BMPR1A: variants seen among roughly 807,000 people sequenced by gnomAD.
BMPR1A encodes bone morphogenetic protein receptor type 1A.
In BMPR1A, 7 loss-of-function variants were observed where a neutral mutation model predicts 66.0. That is an observed-to-expected ratio of 0.11 (90% CI 0.06 to 0.20). The LOEUF is 0.20. Among genes scored for constraint, BMPR1A ranks in the 10% least tolerant of loss-of-function variants. The pLI is 1.00. For missense variants in BMPR1A, 408 were observed against 669.1 expected (o/e 0.61, Z 4.31); for synonymous variants, 200 against 229.7 (o/e 0.87, Z 1.17).
At chr10:86,902,466 A>G (rs1354701530) in intron 7 of BMPR1A, among the ~76,000 whole-genome samples, 8 of 152,118 alleles carry the variant, frequency 5.3e-5, no homozygotes, top group Non-Finnish European at 1.0e-4. Context: ...CACATAGTAA[A>G]GAACCCTATC....
chr10:86,778,801 T>A (rs1183309345), intron 1 of BMPR1A, among the ~76,000 whole-genome samples: 1 of 152,178 alleles, frequency 6.6e-6, no homozygotes, highest in Admixed American at 6.5e-5. Flanking sequence ...TTATAAGTTT[T>A]TTAGTTTCCA....
chr10:86,866,504 G>T (rs1189760347), intron 2 of BMPR1A, among the ~76,000 whole-genome samples: 4 of 144,036 alleles, frequency 2.8e-5, no homozygotes, highest in African/African-American at 5.2e-5. Context: ...TACCTCCTGG[G>T]TTCAAGTGAT....
chr10:86,909,069 A>G (rs1161406456), intron 7 of BMPR1A, among the ~76,000 whole-genome samples: 2 of 152,248 alleles, frequency 1.3e-5, no homozygotes, highest in African/African-American at 4.8e-5. Flanking sequence ...CATGTTATAC[A>G]GCGAGGGCCT....
chr10:86,758,753 T>G (rs1303404010), intron 1 of BMPR1A, among the ~76,000 whole-genome samples: 2 of 152,250 alleles, frequency 1.3e-5, no homozygotes, highest in Non-Finnish European at 2.9e-5. Flanking sequence ...TAGCCACTCA[T>G]TTCTTAACCC....
In BMPR1A at chr10:86,875,991, A is replaced by C; in HGVS notation, c.-28A>C. ...AGCAAGACCAATTATTAAAGGTGAC[A>C]GTACACAGGAAACATTACAATTGAA... On this transcript the variant is annotated 5_prime_UTR_variant, in exon 3 of 13. Transcript: ENST00000372037. 6.5e-7 allele frequency: 1 copy of C among 1,548,596 alleles called. No homozygotes were observed. The highest frequency in any genetic ancestry group is 1.1e-5 in the South Asian group (1 of 89,654).
intron 9 of BMPR1A, among the ~76,000 whole-genome samples, chr10:86,918,804 G>A (rs1038772678): frequency 6.6e-6 from 1 of 152,020 alleles, no homozygotes; most frequent in African/African-American, 2.4e-5. Flanking sequence ...TGTATTTTTA[G>A]TAGAGACGGG....
intron 2 of BMPR1A, among the ~76,000 whole-genome samples, chr10:86,857,270 A>G (rs889138151): frequency 1.3e-5 from 2 of 152,110 alleles, no homozygotes; most frequent in Admixed American, 6.5e-5. Flanking sequence ...TTCTGAGTCA[A>G]TTGTTAGCAT....
chr10:86,902,726 C>T lies in BMPR1A; in HGVS notation c.530+2600C>T, dbSNP rs1483630238. ...AAGTGAGGTGAGCCTTGTGATTGCC[C>T]ACCTTCTTCTCCCTGAACAGAGTTT... On this transcript the variant is annotated intron_variant, in intron 7 of 12. Transcript: ENST00000372037. 7.9e-5 allele frequency among the ~76,000 whole-genome samples: 12 copies of T among 152,304 alleles called. 1 individual carries two copies. The South Asian group carries it at 1.9e-3, about 24-fold the overall frequency.
At chr10:86,818,274 C>A (rs1430519182) in intron 1 of BMPR1A, among the ~76,000 whole-genome samples, 1 of 152,164 alleles carries the variant, frequency 6.6e-6, no homozygotes. Flanking sequence ...TCCTCGGCCT[C>A]CAAAAGTGCT....
At chr10:86,760,436 C>G (rs186066464) in intron 1 of BMPR1A, among the ~76,000 whole-genome samples, 19 of 151,670 alleles carry the variant, frequency 1.3e-4, no homozygotes, top group African/African-American at 3.9e-4. Flanking sequence ...TGGGGTTTTG[C>G]CATGTTGGCC....
At chr10:86,765,966 C>T (rs1589705116) in intron 1 of BMPR1A, among the ~76,000 whole-genome samples, 1 of 145,332 alleles carries the variant, frequency 6.9e-6, no homozygotes, top group African/African-American at 2.5e-5. Context: ...CTTTTTATGT[C>T]AGTAAATTTC....
At chr10:86,837,266 T>A (rs1842366574) in intron 1 of BMPR1A, among the ~76,000 whole-genome samples, 1 of 151,710 alleles carries the variant, frequency 6.6e-6, no homozygotes, top group South Asian at 2.1e-4. Flanking sequence ...TGTGTGTGTG[T>A]GTGTGTGTAA....
intron 7 of BMPR1A, among the ~76,000 whole-genome samples, chr10:86,912,031 C>G (rs1026121974): frequency 1.3e-5 from 2 of 152,072 alleles, no homozygotes; most frequent in Non-Finnish European, 2.9e-5. Context: ...TGCCAATACA[C>G]TATAGACATC....
intron 1 of BMPR1A, among the ~76,000 whole-genome samples, chr10:86,798,948 G>C (rs1231860173): frequency 1.3e-5 from 2 of 152,162 alleles, no homozygotes; most frequent in Non-Finnish European, 2.9e-5. Context: ...TAATAAAAAA[G>C]CTTTGGTTTT....
At chr10:86,877,761 T>G (rs1003705325) in intron 3 of BMPR1A, among the ~76,000 whole-genome samples, 1 of 152,232 alleles carries the variant, frequency 6.6e-6, no homozygotes, top group African/African-American at 2.4e-5. Flanking sequence ...GAAGATGAGT[T>G]AAATTCATAG....
At chr10:86,769,597 G>A (rs1179006364) in intron 1 of BMPR1A, among the ~76,000 whole-genome samples, 3 of 152,178 alleles carry the variant, frequency 2.0e-5, no homozygotes, top group African/African-American at 7.2e-5. Context: ...GCAGAATTAG[G>A]TCACAAGTTG....
intron 3 of BMPR1A, among the ~76,000 whole-genome samples, chr10:86,881,405 G>A (rs1842983471): frequency 6.6e-6 from 1 of 152,182 alleles, no homozygotes; most frequent in South Asian, 2.1e-4. Context: ...GCATCTCATA[G>A]ATGTATTCCA....
chr10:86,763,798 T>TTG (rs1564676502), intron 1 of BMPR1A, among the ~76,000 whole-genome samples: 1 of 149,328 alleles, frequency 6.7e-6, no homozygotes, highest in African/African-American at 2.5e-5. Flanking sequence ...TTGTTTTTTT[T>TTG]TTTTTTTTTT....
chr10:86,922,472 C>G (rs1001363064), intron 11 of BMPR1A, among the ~76,000 whole-genome samples: 6 of 152,094 alleles, frequency 3.9e-5, no homozygotes, highest in African/African-American at 1.4e-4. Flanking sequence ...CGTCAGAGTC[C>G]CCAAGACCAC....
Sources: gnomAD v4.1 joint callset for allele counts (sites outside exome capture counted in the v4.1 genomes callset) on GRCh38, gnomAD v4.1.1 for gene constraint, MANE v1.5 for transcripts, NCBI Gene and HGNC (gene_info 2026-07-23, HGNC 2026-07-21) for gene names.